The following NBPF15 variants were observed in gnomAD, a reference collection of about 807,000 sequenced individuals.
NBPF15 encodes NBPF member 15, also known as NBPF family member NBPF15.
NBPF15 carries 74 observed loss-of-function variants against 62.2 expected under a neutral mutation model. That is an observed-to-expected ratio of 1.19 (90% CI 0.99 to 1.44). The LOEUF (loss-of-function observed/expected upper bound fraction) is 1.44, where lower values mean the gene tolerates loss of function less well. Among genes scored for constraint, NBPF15 ranks in the 40% most tolerant of loss-of-function variants. The probability of loss-of-function intolerance (pLI) is 0.00; values close to 1 mark genes in which losing one functional copy is unlikely to be tolerated. For missense variants in NBPF15, 790 were observed against 550.0 expected (o/e 1.44, Z -4.36); for synonymous variants, 244 against 209.7 (o/e 1.16, Z -1.41).
rs1681567463 is a variant in NBPF15 at position 144,439,926 on chromosome 1, G to A, written c.78C>T (p.Pro26=). 1 of 1,611,452 alleles carries A rather than the reference G, an allele frequency of 6.2e-7. No homozygotes were observed. The highest frequency in any genetic ancestry group is 8.5e-7 in the Non-Finnish European group (1 of 1,179,222). Residue 26 remains proline (P), a synonymous_variant, in exon 8 of 22, where the codon CCC becomes CCT. Coordinates refer to ENST00000581897, the MANE Select transcript of NBPF15 (RefSeq NM_001385408.1). The stretch of plus-strand genomic sequence containing the variant: ...ACTGCTGTTTCTTCTCTGCCAACTG[G>A]GGGCGCAATTTCTCATTGATTTCTA... ...NILEINEKLR[P]QLAEKKQQFR...
intron 1 of NBPF15, among the ~76,000 whole-genome samples, 152 bp downstream of exon 1, chr1:144,461,229 G>A (rs1380415611): frequency 6.6e-6 from 1 of 152,082 alleles, no homozygotes; most frequent in Admixed American, 6.5e-5. Context: ...GCAGCGGCAA[G>A]CGAGGAATCC....
Position 144,427,941 on chromosome 1 carries a change from A to C in NBPF15, c.1090T>G (p.Ser364Ala). The C allele has an allele frequency of 1.3e-6, 1 of 772,348 alleles. No individual in the cohort carries two copies. Among genetic ancestry groups the C allele is most frequent in the Non-Finnish European group, 2.4e-6 (1 of 418,612 alleles). 47.8% of individuals were successfully genotyped at this position (772,348 alleles called of 1,614,324 possible). ...GGAGTTGAATAACATCTATCCAGTG[A>C]GTCCTGCAAGACTTCAGGCTCTTTC... ...DEKEPEVLQD[S>A]LDRCYSTPSG... is the part of the protein sequence containing the mutation. The change falls in exon 16 of 22, where the codon TCA (serine) becomes GCA (alanine). Residue 364 changes from serine (S) to alanine (A), a missense_variant. Ser to Ala is a moderately conservative substitution (Grantham distance 99). Coordinates refer to ENST00000581897, the MANE Select transcript of NBPF15 (RefSeq NM_001385408.1).
intron 14 of NBPF15, among the ~76,000 whole-genome samples, 167 bp downstream of exon 14, chr1:144,429,533 C>T: frequency 2.1e-5 from 3 of 146,056 alleles, no homozygotes; most frequent in African/African-American, 7.9e-5. Context: ...CACCCCATGC[C>T]TGTGCTTCAG....
intron 16 of NBPF15, among the ~76,000 whole-genome samples, chr1:144,427,537 G>C (rs1434882064): frequency 2.0e-5 from 3 of 147,888 alleles, no homozygotes; most frequent in African/African-American, 7.7e-5. Flanking sequence ...GACAAAATCA[G>C]AGTTGTGTGA....
rs587667727 is a variant in NBPF15, at chr1:144,437,847, C to T, written c.278+98G>A. On this transcript the variant is annotated intron_variant, in intron 9 of 21. Transcript: ENST00000581897. ...CCTGCCATGGCAATTCCTGCCCTTC[C>T]CCTGGCCCAGCTTAGCTCTTACATC... The T allele has an allele frequency of 9.6e-5, 152 of 1,583,070 alleles. No individual in the cohort carries two copies. In the South Asian group the frequency reaches 1.6e-3, roughly 17 times the overall value.
intron 3 of NBPF15, among the ~76,000 whole-genome samples, chr1:144,458,321 T>C (rs1649747100): frequency 6.6e-6 from 1 of 151,952 alleles, no homozygotes; most frequent in South Asian, 2.1e-4. Context: ...GTCAAGACTG[T>C]AGCTCTGTGA....
intron 4 of NBPF15, among the ~76,000 whole-genome samples, chr1:144,453,694 A>G (rs1392640846): frequency 2.0e-5 from 3 of 147,024 alleles, no homozygotes; most frequent in Non-Finnish European, 4.5e-5. Context: ...TTAATAAGAT[A>G]TACAGATGGC....
Position 144,429,828 on chromosome 1 carries a change from T to TG in NBPF15, c.859dup (p.Gln287ProfsTer6). On this transcript the variant is annotated frameshift_variant, in exon 14 of 22. Transcript: ENST00000581897. LOFTEE classifies it high-confidence loss of function. ...CGAATAACCTTCATCCCAGGACTCC[T>TG]GGGGGACTTCCTCCTCTTCAGACTC... The TG allele has an allele frequency of 1.8e-6, 1 of 558,556 alleles. No individual in the cohort carries two copies. Among genetic ancestry groups the TG allele is most frequent in the Non-Finnish European group, 3.1e-6 (1 of 326,202 alleles). 34.6% of individuals were successfully genotyped at this position (558,556 alleles called of 1,614,324 possible).
chr1:144,452,026 C>G (rs1219009646), intron 4 of NBPF15, among the ~76,000 whole-genome samples: 3 of 151,336 alleles, frequency 2.0e-5, no homozygotes, highest in African/African-American at 4.9e-5. Flanking sequence ...GTAGCAGGCG[C>G]CTGTAATCCC....
chr1:144,445,262 C>A (rs1345469233), intron 6 of NBPF15, among the ~76,000 whole-genome samples: 2 of 93,508 alleles, frequency 2.1e-5, no homozygotes, highest in African/African-American at 4.5e-5. Flanking sequence ...TTGTGTGTGT[C>A]TGTATATGTA....
At chr1:144,459,178 A>G (rs1650506615) in intron 3 of NBPF15, among the ~76,000 whole-genome samples, 188 bp downstream of exon 3, 1 of 152,062 alleles carries the variant, frequency 6.6e-6, no homozygotes, top group Non-Finnish European at 1.5e-5. Flanking sequence ...AAGATTGATA[A>G]AGTATAATTT....
At chr1:144,451,788 G>A (rs1691339622) in intron 4 of NBPF15, among the ~76,000 whole-genome samples, 1 of 151,320 alleles carries the variant, frequency 6.6e-6, no homozygotes, top group South Asian at 2.1e-4. Context: ...TCTTAGTACA[G>A]AACAAAATGG....
intron 3 of NBPF15, among the ~76,000 whole-genome samples, chr1:144,457,625 G>T (rs1205305470): frequency 6.6e-6 from 1 of 151,828 alleles, no homozygotes; most frequent in Non-Finnish European, 1.5e-5. Flanking sequence ...CAAGTACTGA[G>T]AATACAGTGG....
At chr1:144,438,118 A>T (rs1442838294) in intron 8 of NBPF15, 71 bp from the exon 9 acceptor site, 1 of 1,502,202 alleles carries the variant, frequency 6.7e-7, no homozygotes, top group Non-Finnish European at 9.2e-7. Flanking sequence ...CCTACAGGAC[A>T]GGAGCCAGGT....
intron 6 of NBPF15, among the ~76,000 whole-genome samples, chr1:144,444,920 G>A (rs2102429292): frequency 6.6e-6 from 1 of 152,006 alleles, no homozygotes; most frequent in Admixed American, 6.6e-5. Context: ...TCTGATTTGT[G>A]TTATGTTTAA....
At chr1:144,424,097 G>C (rs1667783128) in intron 20 of NBPF15, 122 bp from the exon 21 acceptor site, 1 of 749,906 alleles carries the variant, frequency 1.3e-6, no homozygotes. Context: ...GACACCATGA[G>C]AGATATATTT....
intron 6 of NBPF15, among the ~76,000 whole-genome samples, chr1:144,445,574 C>A (rs1686919503): frequency 6.7e-6 from 1 of 148,342 alleles, no homozygotes. Flanking sequence ...CGCCATTATT[C>A]TTTTATAATA....
At chr1:144,452,374 A>G (rs1328417347) in intron 4 of NBPF15, among the ~76,000 whole-genome samples, 2 of 151,924 alleles carry the variant, frequency 1.3e-5, no homozygotes, top group Non-Finnish European at 2.9e-5. Context: ...CATCCCTAGA[A>G]TGCAATCTCT....
intron 12 of NBPF15, among the ~76,000 whole-genome samples, chr1:144,434,320 G>A (rs1256198864): frequency 0.039 from 3,779 of 97,426 alleles, no homozygotes; most frequent in Admixed American, 0.086. Context: ...GGCCAATATG[G>A]GGAAACCCTG....
Sources: allele counts gnomAD v4.1 joint callset (sites outside exome capture counted in the v4.1 genomes callset), GRCh38; gene constraint gnomAD v4.1.1; transcripts MANE v1.5; gene names NCBI Gene and HGNC (gene_info 2026-07-23, HGNC 2026-07-21).